CCDC85A: variants seen among roughly 807,000 people sequenced by gnomAD.
The protein encoded by CCDC85A is coiled-coil domain-containing protein 85A.
Under a neutral mutation model 50.2 loss-of-function variants are expected in CCDC85A, and 38 were observed. The ratio of observed to expected loss-of-function variants is 0.76; its 90% CI spans 0.58 to 0.99. The LOEUF (loss-of-function observed/expected upper bound fraction) is 0.99. CCDC85A is among the 50% of genes least tolerant of loss of function. The pLI is 0.00. For missense variants in CCDC85A, 820 were observed against 742.0 expected (o/e 1.11, Z -1.22); for synonymous variants, 366 against 301.4 (o/e 1.21, Z -2.22).
chr2:56,186,697 G>T (rs552205424), intron 1 of CCDC85A, among the ~76,000 whole-genome samples: 5 of 152,156 alleles, frequency 3.3e-5, no homozygotes, highest in Admixed American at 6.5e-5. Context: ...ACACTTGAAA[G>T]TTCCTTTAGG....
At chr2:56,230,898 A>G (rs1197568040) in intron 2 of CCDC85A, among the ~76,000 whole-genome samples, 1 of 152,168 alleles carries the variant, frequency 6.6e-6, no homozygotes, top group Non-Finnish European at 1.5e-5. Flanking sequence ...TTTCAGGTTC[A>G]GAGTCTACTT....
chr2:56,207,846 C>T (rs945320021), intron 2 of CCDC85A, among the ~76,000 whole-genome samples: 2 of 152,080 alleles, frequency 1.3e-5, no homozygotes, highest in Admixed American at 6.6e-5. Flanking sequence ...CTATAAGAAA[C>T]AATAAACTTT....
chr2:56,314,198 G>T (rs1186665691), intron 2 of CCDC85A, among the ~76,000 whole-genome samples: 2 of 151,020 alleles, frequency 1.3e-5, no homozygotes, highest in Non-Finnish European at 2.9e-5. Flanking sequence ...CAGGAGAGAA[G>T]GCAGGGCTAA....
intron 2 of CCDC85A, among the ~76,000 whole-genome samples, chr2:56,295,891 G>A (rs539033787): frequency 9.2e-5 from 14 of 152,288 alleles, no homozygotes; most frequent in Non-Finnish European, 1.8e-4. Flanking sequence ...CAGGTGCTGC[G>A]TGCCTGAGGA....
Position 56,192,330 on chromosome 2 carries a change from A to G in CCDC85A, c.277-147A>G. The G allele has an allele frequency of 8.9e-7, 1 of 1,122,036 alleles. No homozygotes were observed. The highest frequency in any genetic ancestry group is 1.3e-6 in the Non-Finnish European group (1 of 796,228). The allele number at this position is 1,122,036 out of a possible 1,614,324, so 69.5% of individuals were successfully genotyped here. A position where few individuals can be genotyped will look rare whatever the true frequency, so the allele number is the denominator to read the frequency against. On this transcript the variant is annotated intron_variant, in intron 1 of 5. Transcript: ENST00000407595. This position sits in a 1 kb window ranked among gnomAD's most constrained non-coding sequence, Gnocchi z 4.7. Reference sequence around the variant, plus strand: ...TAGTTTAATTTTTATGGACAGCTACAAATCTTCAGCTTCCTCCTACTCCCT... The same window carrying G: ...TAGTTTAATTTTTATGGACAGCTACGAATCTTCAGCTTCCTCCTACTCCCT...
intron 4 of CCDC85A, among the ~76,000 whole-genome samples, chr2:56,375,105 C>A (rs898943536): frequency 6.6e-6 from 1 of 152,142 alleles, no homozygotes; most frequent in Non-Finnish European, 1.5e-5. Flanking sequence ...TTCCCCCAAG[C>A]ACCCTTTAGA....
intron 2 of CCDC85A, among the ~76,000 whole-genome samples, chr2:56,196,783 A>T: frequency 6.6e-6 from 1 of 151,984 alleles, no homozygotes; most frequent in Middle Eastern, 3.2e-3. Context: ...AAATAGTTTG[A>T]TATTAATTCT....
chr2:56,286,123 C>T (rs1365391300), intron 2 of CCDC85A, among the ~76,000 whole-genome samples: 1 of 151,490 alleles, frequency 6.6e-6, no homozygotes, highest in Non-Finnish European at 1.5e-5. Context: ...ATGTACGCAT[C>T]TTTCTCAGGC....
At chr2:56,349,840 C>CT (rs1313405040) in intron 3 of CCDC85A, among the ~76,000 whole-genome samples, 1 of 151,870 alleles carries the variant, frequency 6.6e-6, no homozygotes, top group East Asian at 1.9e-4. Context: ...ACATTCAAAA[C>CT]TTTTTTTATT....
intron 2 of CCDC85A, among the ~76,000 whole-genome samples, chr2:56,245,053 C>T (rs1199281956): frequency 1.3e-5 from 2 of 152,156 alleles, no homozygotes; most frequent in East Asian, 3.9e-4. Context: ...GTGACAGAAG[C>T]ACTCCCTTAG....
intron 2 of CCDC85A, among the ~76,000 whole-genome samples, chr2:56,240,988 A>C (rs563122080): frequency 6.6e-6 from 1 of 152,240 alleles, no homozygotes; most frequent in African/African-American, 2.4e-5. Flanking sequence ...CATTCCTACC[A>C]ATAATATATG....
At chr2:56,193,483 C>G (rs370347176) in intron 2 of CCDC85A, 43 bp downstream of exon 2, 99 of 1,530,208 alleles carry the variant, frequency 6.5e-5, no homozygotes, top group Middle Eastern at 2.3e-4. Flanking sequence ...CTGGGGAACT[C>G]AGTAGAGAGT....
intron 2 of CCDC85A, among the ~76,000 whole-genome samples, chr2:56,299,240 C>G (rs1672093976): frequency 1.3e-5 from 2 of 152,142 alleles, no homozygotes; most frequent in Non-Finnish European, 2.9e-5. Flanking sequence ...ACTACGATAA[C>G]TGCAGCAATA....
intron 2 of CCDC85A, among the ~76,000 whole-genome samples, chr2:56,270,598 A>G (rs2104060818): frequency 6.6e-6 from 1 of 152,342 alleles, no homozygotes; most frequent in South Asian, 2.1e-4. Context: ...TAGAGGAGTC[A>G]TTTTTGTAGT....
intron 3 of CCDC85A, among the ~76,000 whole-genome samples, chr2:56,345,915 A>G (rs1277478754): frequency 2.0e-5 from 3 of 152,226 alleles, no homozygotes; most frequent in African/African-American, 7.2e-5. Flanking sequence ...ATTTTCAGTT[A>G]TAAGAATTTG....
At chr2:56,188,444 G>A (rs1261019510) in intron 1 of CCDC85A, among the ~76,000 whole-genome samples, 2 of 152,206 alleles carry the variant, frequency 1.3e-5, no homozygotes, top group South Asian at 2.1e-4. Flanking sequence ...CCGTGAAGCC[G>A]AGGGTAGCAC....
In CCDC85A at chr2:56,240,443, C is replaced by T. The variant is rs115396600; in HGVS notation, c.1240+47003C>T. Among the ~76,000 whole-genome samples, 586 of 152,294 alleles carry T rather than the reference C, an allele frequency of 3.8e-3. 2 individuals carry two copies. The highest frequency in any genetic ancestry group is 0.014 in the African/African-American group (566 of 41,560). On this transcript the variant is annotated intron_variant, in intron 2 of 5. Transcript: ENST00000407595. The stretch of plus-strand genomic sequence containing the variant: ...CACTCTGTGGAGTGTACTTTTGTTT[C>T]AGTAAATAAGTGCTTTCATTATTTC...
At chr2:56,261,337 A>C (rs535823331) in intron 2 of CCDC85A, among the ~76,000 whole-genome samples, 1 of 152,326 alleles carries the variant, frequency 6.6e-6, no homozygotes, top group South Asian at 2.1e-4. Flanking sequence ...CTGTGTGCAC[A>C]TCACCAATGC....
chr2:56,274,370 T>G (rs957691321), intron 2 of CCDC85A, among the ~76,000 whole-genome samples: 5 of 152,180 alleles, frequency 3.3e-5, no homozygotes, highest in African/African-American at 9.6e-5. Context: ...GTTTGAAATT[T>G]TTAGGGCTGG....
Sources: gnomAD v4.1 joint callset for allele counts (sites outside exome capture counted in the v4.1 genomes callset) on GRCh38, gnomAD v4.1.1 for gene constraint, Gnocchi (gnomAD v3.1) non-coding constraint, MANE v1.5 for transcripts, NCBI Gene and HGNC (gene_info 2026-07-23, HGNC 2026-07-21) for gene names.